Variants in PHF2 observed in about 807,000 individuals in gnomAD.
PHF2 encodes PHD finger protein 2.
In PHF2, 27 loss-of-function variants were observed where a neutral mutation model predicts 120.5. That is an observed-to-expected ratio of 0.22 (90% CI 0.17 to 0.31). The LOEUF (loss-of-function observed/expected upper bound fraction) is 0.31. Among genes scored for constraint, PHF2 ranks in the 10% least tolerant of loss-of-function variants. PHF2 has a pLI of 1.00. For missense variants in PHF2, 1,024 were observed against 1,434.8 expected (o/e 0.71, Z 4.63); for synonymous variants, 568 against 592.5 (o/e 0.96, Z 0.60).
intron 1 of PHF2, among the ~76,000 whole-genome samples, chr9:93,616,532 T>G (rs1825731833): frequency 6.6e-6 from 1 of 152,202 alleles, no homozygotes; most frequent in African/African-American, 2.4e-5. Flanking sequence ...ACAGTGTGCC[T>G]TGAACCCTGT....
intron 3 of PHF2, among the ~76,000 whole-genome samples, chr9:93,637,088 G>A (rs1206725080): frequency 6.6e-6 from 1 of 152,250 alleles, no homozygotes; most frequent in African/African-American, 2.4e-5. Flanking sequence ...GTCAGTTTCT[G>A]TTTGTCACAC....
intron 1 of PHF2, among the ~76,000 whole-genome samples, chr9:93,611,491 G>A (rs1463275140): frequency 2.6e-5 from 4 of 151,900 alleles, no homozygotes; most frequent in Admixed American, 6.6e-5. Context: ...TTGAATCAAA[G>A]CAGTTTGTTT....
chr9:93,630,680 C>T (rs1825987025), intron 2 of PHF2, among the ~76,000 whole-genome samples: 1 of 152,212 alleles, frequency 6.6e-6, no homozygotes, highest in Non-Finnish European at 1.5e-5. Context: ...TGTGCAGGTT[C>T]AGCCAGGTGA....
chr9:93,649,029 C>G (rs1011448974), intron 4 of PHF2, 42 bp from the exon 5 acceptor site: 1 of 1,548,852 alleles, frequency 6.5e-7, no homozygotes, highest in African/African-American at 1.4e-5. Context: ...GAGGCTGTGC[C>G]GCCTTCCCAG....
At chr9:93,655,828 G>T in intron 7 of PHF2, 106 bp from the exon 8 acceptor site, 2 of 755,726 alleles carry the variant, frequency 2.6e-6, no homozygotes, top group Non-Finnish European at 2.2e-6. Flanking sequence ...CCTGGGCTGG[G>T]CCGGGAAAGG....
At chr9:93,594,776 G>T (rs10992793) in intron 1 of PHF2, 2 of 152,256 alleles carry the variant, frequency 1.3e-5, no homozygotes, top group African/African-American at 4.8e-5. Context: ...ACCAGCCTTA[G>T]TCCACACCGG....
At chr9:93,586,341 A>G (rs1863043919) in intron 1 of PHF2, among the ~76,000 whole-genome samples, 1 of 152,264 alleles carries the variant, frequency 6.6e-6, no homozygotes, top group African/African-American at 2.4e-5. Context: ...CCAGCAGCAC[A>G]TAGCAGAGGT....
At chr9:93,621,863 C>T (rs747564774) in intron 1 of PHF2, among the ~76,000 whole-genome samples, 9 of 152,204 alleles carry the variant, frequency 5.9e-5, no homozygotes, top group Non-Finnish European at 1.3e-4. Flanking sequence ...GCAGCTCTAA[C>T]TCCCATGTGG....
chr9:93,649,250 T>TG (rs1346986890), intron 5 of PHF2, 38 bp downstream of exon 5: 51 of 907,926 alleles, frequency 5.6e-5, no homozygotes, highest in Non-Finnish European at 7.2e-5. Flanking sequence ...GGGCTGGGGT[T>TG]GGGGCAGGGG....
chr9:93,589,501 G>A (rs1863128252), intron 1 of PHF2, among the ~76,000 whole-genome samples: 1 of 152,178 alleles, frequency 6.6e-6, no homozygotes, highest in South Asian at 2.1e-4. Context: ...ATTGCCAACT[G>A]TCTCCTGGGG....
At chr9:93,675,582 G>T in intron 19 of PHF2, 98 bp from the exon 20 acceptor site, 1 of 903,852 alleles carries the variant, frequency 1.1e-6, no homozygotes, top group East Asian at 2.4e-5. Flanking sequence ...TGCCTGGCCA[G>T]GGGGACAGGC....
In PHF2 at chr9:93,596,912, G is replaced by T. The variant is rs1810886; in HGVS notation, c.98+20041G>T. On this transcript the variant is annotated intron_variant, in intron 1 of 21. Coordinates refer to ENST00000359246, the MANE Select transcript of PHF2 (RefSeq NM_005392.4). Reference sequence around the variant, plus strand: ...TAGCTGGGACTACAGGCACGCGCCAGCACGCCCAGCTAATTTTTTTTTTTT... The same window carrying T: ...TAGCTGGGACTACAGGCACGCGCCATCACGCCCAGCTAATTTTTTTTTTTT... 1.9e-4 allele frequency among the ~76,000 whole-genome samples: 28 copies of T among 148,686 alleles called. No individual in the cohort carries two copies. The South Asian group carries it at 3.8e-3, about 20-fold the overall frequency.
In PHF2 at chr9:93,620,178, G is replaced by A. The variant is rs181214991; in HGVS notation, c.99-9792G>A. On this transcript the variant is annotated intron_variant, in intron 1 of 21. Coordinates refer to ENST00000359246, the MANE Select transcript of PHF2 (RefSeq NM_005392.4). ...GAGTGTACAAGGCTAGGTGGCCAGC[G>A]GCCTGCAGAGGGCTCCAGCTCCTGT... Among the ~76,000 whole-genome samples the A allele has an allele frequency of 4.6e-5, 7 of 152,298 alleles. No individual in the cohort carries two copies. In the East Asian group the frequency reaches 9.7e-4, roughly 21 times the overall value.
chr9:93,596,812 G>A (rs935160812), intron 1 of PHF2, among the ~76,000 whole-genome samples: 1 of 151,820 alleles, frequency 6.6e-6, no homozygotes, highest in African/African-American at 2.4e-5. Flanking sequence ...AGGCTGGAGT[G>A]CAATGGTGCA....
intron 10 of PHF2, among the ~76,000 whole-genome samples, 188 bp downstream of exon 10, chr9:93,658,424 G>A (rs949931088): frequency 6.6e-6 from 1 of 152,144 alleles, no homozygotes; most frequent in Non-Finnish European, 1.5e-5. Flanking sequence ...CCATGGGTCC[G>A]TCCCCTGCTG....
At chr9:93,667,434 A>G (rs1826703531) in intron 17 of PHF2, among the ~76,000 whole-genome samples, 194 bp downstream of exon 17, 1 of 152,204 alleles carries the variant, frequency 6.6e-6, no homozygotes, top group African/African-American at 2.4e-5. Flanking sequence ...CTTTCAATCA[A>G]GGGCTTCTTT....
chr9:93,653,659 G>T (rs1014363467), intron 6 of PHF2, among the ~76,000 whole-genome samples: 1 of 152,202 alleles, frequency 6.6e-6, no homozygotes, highest in Non-Finnish European at 1.5e-5. Flanking sequence ...GGGGAATGTT[G>T]CAAAAACATC....
At position 93,665,823 on chromosome 9, in the gene PHF2, C is replaced by T. The variant is rs867990076; in HGVS notation, c.2075C>T (p.Pro692Leu). ...DDGELKIDEF[P>L]IRRKKNAPKR... ...GGTGAGCTCAAGATCGACGAGTTTCCCATCAGGAGGAAGAAAAACGCCCCG... is the reference window on the plus strand; with the variant it reads ...GGTGAGCTCAAGATCGACGAGTTTCTCATCAGGAGGAAGAAAAACGCCCCG... The change falls in exon 15 of 22, where the codon CCC becomes CTC. Residue 692 changes from proline to leucine, a missense_variant. Physicochemically the swap from Pro to Leu is moderately conservative, Grantham distance 98. Coordinates refer to ENST00000359246, the MANE Select transcript of PHF2 (RefSeq NM_005392.4). 1.2e-6 allele frequency: 2 copies of T among 1,613,834 alleles called. No homozygotes were observed. The highest frequency in any genetic ancestry group is 1.7e-6 in the Non-Finnish European group (2 of 1,180,016).
intron 1 of PHF2, among the ~76,000 whole-genome samples, chr9:93,624,476 G>A (rs1187889650): frequency 6.7e-6 from 1 of 150,352 alleles, no homozygotes. Flanking sequence ...TGATGGTGTG[G>A]CGGTGATGGT....
Sources: allele counts gnomAD v4.1 joint callset (sites outside exome capture counted in the v4.1 genomes callset), GRCh38; gene constraint gnomAD v4.1.1; transcripts MANE v1.5; gene names NCBI Gene and HGNC (gene_info 2026-07-23, HGNC 2026-07-21).